Variants in TMEM178B observed in about 807,000 individuals in gnomAD.
TMEM178B encodes the protein transmembrane protein 178B.
TMEM178B carries 5 observed loss-of-function variants against 31.0 expected under a neutral mutation model. That is an observed-to-expected ratio of 0.16 (90% CI 0.08 to 0.34). The LOEUF (loss-of-function observed/expected upper bound fraction) is 0.34. TMEM178B is among the 10% of genes least tolerant of loss of function. The pLI is 1.00. For synonymous variants in TMEM178B, 164 were observed against 164.0 expected (o/e 1.00, Z 0.00); for missense variants, 275 against 400.3 (o/e 0.69, Z 2.67).
chr7:141,136,491 C>A (rs1056216406), intron 1 of TMEM178B, among the ~76,000 whole-genome samples: 3 of 152,130 alleles, frequency 2.0e-5, no homozygotes, highest in African/African-American at 7.2e-5. Context: ...ACTTCAAAAG[C>A]ATATGCAACA....
intron 1 of TMEM178B, among the ~76,000 whole-genome samples, chr7:141,110,535 G>A (rs190827858): frequency 6.6e-6 from 1 of 152,302 alleles, no homozygotes; most frequent in Admixed American, 6.5e-5. Flanking sequence ...TTGGATGTGA[G>A]CACTTATTCA....
At chr7:141,465,261 G>A (rs1802130705) in intron 3 of TMEM178B, among the ~76,000 whole-genome samples, 1 of 152,194 alleles carries the variant, frequency 6.6e-6, no homozygotes, top group South Asian at 2.1e-4. Flanking sequence ...ACAAGGGACT[G>A]CTGAACTTTG....
chr7:141,159,817 G>A (rs1359419094), intron 1 of TMEM178B, among the ~76,000 whole-genome samples: 2 of 152,016 alleles, frequency 1.3e-5, no homozygotes, highest in Non-Finnish European at 2.9e-5. Context: ...TTGGGGGATG[G>A]AGGAATGGGG....
At chr7:141,389,534 T>G (rs1800496189) in intron 2 of TMEM178B, among the ~76,000 whole-genome samples, 1 of 152,180 alleles carries the variant, frequency 6.6e-6, no homozygotes, top group Non-Finnish European at 1.5e-5. Flanking sequence ...CTGGGAAGAT[T>G]GATGGGTGTG....
chr7:141,302,262 GA>G (rs1446166195), intron 2 of TMEM178B, among the ~76,000 whole-genome samples: 1 of 152,214 alleles, frequency 6.6e-6, no homozygotes, highest in Non-Finnish European at 1.5e-5. Flanking sequence ...TCTTAAAAAG[GA>G]AGGAAATTAT....
chr7:141,502,719 G>C, the TMEM178B span, among the ~76,000 whole-genome samples: 1 of 151,804 alleles, frequency 6.6e-6, no homozygotes, highest in Non-Finnish European at 1.5e-5. Context: ...GCAGTGAGCT[G>C]AGAGCGTGCC....
chr7:141,383,215 AATTCTTTTTTT>A lies in TMEM178B; in HGVS notation c.497-54392_497-54382del, dbSNP rs199798557. Among the ~76,000 whole-genome samples the A allele has an allele frequency of 6.4e-3, 968 of 151,588 alleles. 10 individuals are homozygous for A. Among genetic ancestry groups the A allele is most frequent in the South Asian group, 0.033 (160 of 4,812 alleles). On this transcript the variant is annotated intron_variant, in intron 2 of 3. Transcript: ENST00000565468. ...AATAAACAAGAAAACAGAGTAAGATAATTCTTTTTTTTTTAAATTATACTTTAAGTTCTAGG... is the reference window on the plus strand; with the variant it reads ...AATAAACAAGAAAACAGAGTAAGATATTTAAATTATACTTTAAGTTCTAGG...
chr7:141,201,194 A>G (rs1377043223), intron 1 of TMEM178B, among the ~76,000 whole-genome samples: 2 of 152,356 alleles, frequency 1.3e-5, no homozygotes, highest in African/African-American at 4.8e-5. Flanking sequence ...GGCACACAGC[A>G]GCCCACAAAG....
rs191146608 is a variant in TMEM178B at position 141,401,293 on chromosome 7, G to C, written c.497-36315G>C. Among the ~76,000 whole-genome samples, 175 of 152,348 alleles carry C rather than the reference G, an allele frequency of 1.1e-3. 1 individual carries two copies. Among genetic ancestry groups the C allele is most frequent in the African/African-American group, 4.1e-3 (169 of 41,580 alleles). ...AACAAGAGTTTATTCCTTCCATAGG[G>C]AAAGGCATTTAAAATAACATTTAAA... On this transcript the variant is annotated intron_variant, in intron 2 of 3. Coordinates refer to ENST00000565468, the MANE Select transcript of TMEM178B (RefSeq NM_001195278.2).
chr7:141,235,814 C>T (rs923150114), intron 2 of TMEM178B, among the ~76,000 whole-genome samples: 8 of 152,156 alleles, frequency 5.3e-5, no homozygotes, highest in African/African-American at 1.7e-4. Flanking sequence ...GCCAGGGCCT[C>T]GGATACAGTG....
At chr7:141,185,712 A>G (rs541944949) in intron 1 of TMEM178B, among the ~76,000 whole-genome samples, 2 of 152,104 alleles carry the variant, frequency 1.3e-5, no homozygotes, top group South Asian at 2.1e-4. Flanking sequence ...GTCTTGGAAA[A>G]TGCAGCATTT....
rs577479986 is a variant in TMEM178B, at chr7:141,162,295, C to T, written c.383-50296C>T. Reference sequence around the variant, plus strand: ...ACCTTGTTCCGCTCATGTTTTACATCCCTCAGCTGTCCCTGGGCTCTGTGG... The same window carrying T: ...ACCTTGTTCCGCTCATGTTTTACATTCCTCAGCTGTCCCTGGGCTCTGTGG... On this transcript the variant is annotated intron_variant, in intron 1 of 3. Coordinates refer to ENST00000565468, the MANE Select transcript of TMEM178B (RefSeq NM_001195278.2). Among the ~76,000 whole-genome samples the T allele has an allele frequency of 3.3e-5, 5 of 152,360 alleles. No homozygotes were observed. The South Asian group carries it at 8.3e-4, about 25-fold the overall frequency.
chr7:141,479,048 G>A lies in TMEM178B; in HGVS notation c.*8262G>A, dbSNP rs1236546987. ...ACTGCATGTCCCATCTGCCCCCAGA[G>A]GGTGTCGGCGCTGCCCCAGTCATGT... On this transcript the variant is annotated 3_prime_UTR_variant, in exon 4 of 4. Transcript: ENST00000565468. The A allele has an allele frequency of 6.6e-6, 1 of 152,242 alleles. No individual in the cohort carries two copies. Among genetic ancestry groups the A allele is most frequent in the Non-Finnish European group, 1.5e-5 (1 of 68,070 alleles). The allele number at this position is 152,242 out of a possible 1,614,324, so 9.4% of individuals were successfully genotyped here. A position where few individuals can be genotyped will look rare whatever the true frequency, so the allele number is the denominator to read the frequency against.
chr7:141,446,611 T>C lies in TMEM178B; in HGVS notation c.634+8866T>C, dbSNP rs796971519. Among the ~76,000 whole-genome samples the C allele has an allele frequency of 9.8e-5, 15 of 152,298 alleles. 1 individual carries two copies. The highest frequency in any genetic ancestry group is 3.6e-4 in the African/African-American group (15 of 41,574). Reference sequence around the variant, plus strand: ...GTCCTAGTTAAGTGGAATCACCCAATTGAAGAGGGAATTATGGTTTTGTCA... The same window carrying C: ...GTCCTAGTTAAGTGGAATCACCCAACTGAAGAGGGAATTATGGTTTTGTCA... On this transcript the variant is annotated intron_variant, in intron 3 of 3. Transcript: ENST00000565468.
At chr7:141,324,425 T>G (rs6966708) in intron 2 of TMEM178B, among the ~76,000 whole-genome samples, 777 of 51,688 alleles carry the variant, frequency 0.015, 11 homozygotes, top group South Asian at 0.049. Flanking sequence ...GGTTTTTTTT[T>G]TTTTTTTTTT....
At chr7:141,292,493 A>G (rs1001135697) in intron 2 of TMEM178B, among the ~76,000 whole-genome samples, 1 of 152,228 alleles carries the variant, frequency 6.6e-6, no homozygotes, top group Non-Finnish European at 1.5e-5. Flanking sequence ...CAAGAAAACA[A>G]GAGGGCAGCC....
At chr7:141,310,692 A>G (rs6944668) in intron 2 of TMEM178B, among the ~76,000 whole-genome samples, 39,782 of 152,072 alleles carry the variant, frequency 0.26, 6,368 homozygotes, top group African/African-American at 0.44. Context: ...ACGCTTTTAC[A>G]CTGTTGCTGG....
chr7:141,410,929 A>G (rs1800975502), intron 2 of TMEM178B, among the ~76,000 whole-genome samples: 1 of 152,226 alleles, frequency 6.6e-6, no homozygotes, highest in African/African-American at 2.4e-5. Flanking sequence ...GAACCTGGAG[A>G]ACATGCTAAG....
chr7:141,448,577 G>C (rs1801803879), intron 3 of TMEM178B, among the ~76,000 whole-genome samples: 1 of 152,120 alleles, frequency 6.6e-6, no homozygotes, highest in Admixed American at 6.5e-5. Context: ...AAAGGAGATG[G>C]CTGTATAGGA....
Sources: allele counts gnomAD v4.1 joint callset (sites outside exome capture counted in the v4.1 genomes callset), GRCh38; gene constraint gnomAD v4.1.1; transcripts MANE v1.5; gene names NCBI Gene and HGNC (gene_info 2026-07-23, HGNC 2026-07-21).